Variants in CTNNA2 observed in about 807,000 individuals in gnomAD.
CTNNA2 encodes catenin alpha 2, also known as catenin alpha-2.
Under a neutral mutation model 101.0 loss-of-function variants are expected in CTNNA2, and 42 were observed. The ratio of observed to expected loss-of-function variants is 0.42; its 90% CI spans 0.32 to 0.54. The LOEUF (loss-of-function observed/expected upper bound fraction) is 0.54, where lower values mean the gene tolerates loss of function less well. Ranked by LOEUF, CTNNA2 falls within the 20% of genes least tolerant of loss-of-function variation. The pLI is 0.14. For missense variants in CTNNA2, 871 were observed against 1,223.1 expected, an observed-to-expected ratio of 0.71 and a Z score of 4.29; for synonymous variants, 450 against 456.4, an observed-to-expected ratio of 0.99 and a Z score of 0.18.
At chr2:80,032,848 A>G (rs1695379288) in intron 7 of CTNNA2, among the ~76,000 whole-genome samples, 1 of 152,138 alleles carries the variant, frequency 6.6e-6, no homozygotes. Flanking sequence ...AAGACATACC[A>G]CCATGTGCTT....
At chr2:80,257,529 A>T (rs971255151) in intron 7 of CTNNA2, among the ~76,000 whole-genome samples, 1 of 152,206 alleles carries the variant, frequency 6.6e-6, no homozygotes, top group Non-Finnish European at 1.5e-5. Context: ...AGGACTTTTC[A>T]TCATATTCTG....
chr2:79,402,531 T>TA (rs1286475262), intron 4 of CTNNA2, among the ~76,000 whole-genome samples: 1 of 151,814 alleles, frequency 6.6e-6, no homozygotes, highest in Non-Finnish European at 1.5e-5. Flanking sequence ...TAATGACTAA[T>TA]AAAATAGAAC....
chr2:79,458,830 C>T (rs917100829), intron 4 of CTNNA2, among the ~76,000 whole-genome samples: 26 of 151,894 alleles, frequency 1.7e-4, no homozygotes, highest in South Asian at 4.2e-4. Context: ...ATTTTTGCTC[C>T]GAAAAAGATT....
chr2:79,305,680 G>T (rs1304909486), intron 2 of CTNNA2, among the ~76,000 whole-genome samples: 1 of 151,986 alleles, frequency 6.6e-6, no homozygotes, highest in Non-Finnish European at 1.5e-5. Flanking sequence ...TGTCAATATA[G>T]GTTAACATAG....
chr2:80,249,392 A>G (rs1292726191), intron 7 of CTNNA2, among the ~76,000 whole-genome samples: 2 of 152,128 alleles, frequency 1.3e-5, no homozygotes, highest in African/African-American at 2.4e-5. Context: ...TTTGTCCCCA[A>G]TATTGCTTTG....
chr2:79,793,182 G>C (rs1434994448), intron 3 of CTNNA2, among the ~76,000 whole-genome samples: 1 of 152,236 alleles, frequency 6.6e-6, no homozygotes, highest in African/African-American at 2.4e-5. Context: ...GAGCTCTGCA[G>C]CATGTGCAGT....
chr2:79,411,674 A>C (rs897929879), intron 4 of CTNNA2, among the ~76,000 whole-genome samples: 16 of 152,032 alleles, frequency 1.1e-4, no homozygotes, highest in African/African-American at 3.6e-4. Context: ...GAAATAAAAT[A>C]CTTTACAGAC....
intron 4 of CTNNA2, among the ~76,000 whole-genome samples, chr2:79,861,904 G>C (rs60010922): frequency 2.3e-3 from 350 of 152,270 alleles, no homozygotes; most frequent in African/African-American, 7.8e-3. Flanking sequence ...TGAAGTTGCT[G>C]ACAAATGATT....
At chr2:79,849,682 T>C (rs1367415563) in intron 3 of CTNNA2, among the ~76,000 whole-genome samples, 1 of 152,136 alleles carries the variant, frequency 6.6e-6, no homozygotes, top group African/African-American at 2.4e-5. Context: ...AGCAAAGGAG[T>C]TGCTCCTTTC....
At chr2:80,198,207 C>T (rs754762251) in intron 7 of CTNNA2, among the ~76,000 whole-genome samples, 8 of 152,142 alleles carry the variant, frequency 5.3e-5, no homozygotes, top group Non-Finnish European at 1.0e-4. Context: ...TCAAGTATGA[C>T]ACCAGAGCAC....
chr2:79,960,231 G>C (rs1447217891), intron 7 of CTNNA2, among the ~76,000 whole-genome samples: 1 of 152,184 alleles, frequency 6.6e-6, no homozygotes, highest in East Asian at 1.9e-4. Flanking sequence ...TTGCAATTCT[G>C]CTGACTCAAC....
intron 3 of CTNNA2, among the ~76,000 whole-genome samples, chr2:79,366,816 T>C (rs1677761168): frequency 6.6e-6 from 1 of 152,216 alleles, no homozygotes. Flanking sequence ...ATTTTCATAC[T>C]ATATAAAATG....
Position 79,876,471 on chromosome 2 carries a change from A to G in CTNNA2, c.852+2129A>G, listed in dbSNP as rs76269720. Among the ~76,000 whole-genome samples the G allele has an allele frequency of 2.2e-3, 330 of 152,320 alleles. 3 individuals are homozygous for G. The highest frequency in any genetic ancestry group is 7.7e-3 in the African/African-American group (322 of 41,566). On this transcript the variant is annotated intron_variant, in intron 6 of 18. Transcript: ENST00000402739. Reference sequence around the variant, plus strand: ...GAATGGATTATTTAGTCAGATTTTGACACAATTACATTATTCTAGTTATAA... The same window carrying G: ...GAATGGATTATTTAGTCAGATTTTGGCACAATTACATTATTCTAGTTATAA...
Position 79,978,016 on chromosome 2 carries a change from G to A in CTNNA2, c.1056+68219G>A, listed in dbSNP as rs73938444. ...AGAGCAGCAGCGGGTGGTGACTCAG[G>A]CCTCAAACTGCCAAATGCAAAATCT... On this transcript the variant is annotated intron_variant, in intron 7 of 18. Coordinates refer to ENST00000402739, the MANE Select transcript of CTNNA2 (RefSeq NM_001282597.3). Among the ~76,000 whole-genome samples the A allele has an allele frequency of 2.3e-3, 356 of 152,248 alleles. 1 individual carries two copies. The highest frequency in any genetic ancestry group is 8.0e-3 in the African/African-American group (331 of 41,540).
intron 7 of CTNNA2, among the ~76,000 whole-genome samples, chr2:80,280,937 A>G (rs1674334365): frequency 6.6e-6 from 1 of 152,090 alleles, no homozygotes; most frequent in Non-Finnish European, 1.5e-5. Context: ...TAAGGGAGAG[A>G]GTATTTCTGA....
intron 4 of CTNNA2, among the ~76,000 whole-genome samples, chr2:79,475,679 C>CTTTT (rs1553413975): frequency 6.7e-5 from 10 of 149,792 alleles, no homozygotes; most frequent in African/African-American, 2.2e-4. Context: ...TCTTTGAATA[C>CTTTT]TTTTTTTTTT....
chr2:80,029,598 G>A (rs1260358655), intron 7 of CTNNA2: 1 of 151,774 alleles, frequency 6.6e-6, no homozygotes, highest in Non-Finnish European at 1.5e-5. Flanking sequence ...AAAGTTAATA[G>A]GAGGTAGAAA....
intron 2 of CTNNA2, among the ~76,000 whole-genome samples, chr2:79,295,048 C>T (rs1048064724): frequency 2.6e-5 from 4 of 151,610 alleles, no homozygotes; most frequent in Admixed American, 6.6e-5. Flanking sequence ...TGTGTATGCT[C>T]ATCTTCAGGT....
chr2:80,537,083 C>A (rs994764098), intron 9 of CTNNA2, among the ~76,000 whole-genome samples: 1 of 151,980 alleles, frequency 6.6e-6, no homozygotes, highest in South Asian at 2.1e-4. Flanking sequence ...TTGCATCCCA[C>A]CCCCTGACAG....
Sources: gnomAD v4.1 joint callset for allele counts (sites outside exome capture counted in the v4.1 genomes callset) on GRCh38, gnomAD v4.1.1 for gene constraint, MANE v1.5 for transcripts, NCBI Gene and HGNC (gene_info 2026-07-23, HGNC 2026-07-21) for gene names.